Variants in SGCZ observed in about 807,000 individuals in gnomAD.
The protein encoded by SGCZ is sarcoglycan zeta.
In SGCZ, 40 loss-of-function variants were observed where a neutral mutation model predicts 41.3. That is an observed-to-expected ratio of 0.97 (90% CI 0.75 to 1.26). The LOEUF is 1.26. Ranked by LOEUF, SGCZ falls within the 50% of genes most tolerant of loss-of-function variation. The pLI is 0.00. For synonymous variants in SGCZ, 206 were observed against 137.5 expected, an observed-to-expected ratio of 1.50 and a Z score of -3.49; for missense variants, 552 against 369.8, an observed-to-expected ratio of 1.49 and a Z score of -4.04.
intron 4 of SGCZ, among the ~76,000 whole-genome samples, chr8:14,203,886 T>C (rs992115410): frequency 1.3e-5 from 2 of 151,774 alleles, no homozygotes; most frequent in Non-Finnish European, 2.9e-5. Flanking sequence ...AGGAAAGGAA[T>C]TGGGGGAAAG....
chr8:14,393,326 G>A (rs1804851029), intron 2 of SGCZ, among the ~76,000 whole-genome samples: 1 of 150,694 alleles, frequency 6.6e-6, no homozygotes, highest in South Asian at 2.1e-4. Context: ...AGCAGGCTGG[G>A]AGCTTACACA....
chr8:14,416,479 C>A (rs1174975920), intron 2 of SGCZ, among the ~76,000 whole-genome samples: 1 of 151,810 alleles, frequency 6.6e-6, no homozygotes, highest in Non-Finnish European at 1.5e-5. Context: ...ATGAAAGCTG[C>A]CTTCATAGAG....
chr8:14,118,518 T>C (rs1292100103), intron 5 of SGCZ, among the ~76,000 whole-genome samples: 1 of 152,260 alleles, frequency 6.6e-6, no homozygotes, highest in Non-Finnish European at 1.5e-5. Context: ...GGTTGCCTGT[T>C]CACTCTGATG....
At chr8:15,202,794 A>C (rs1800931692) in intron 1 of SGCZ, among the ~76,000 whole-genome samples, 1 of 152,130 alleles carries the variant, frequency 6.6e-6, no homozygotes. Context: ...AGGCAGGCTC[A>C]CAGAGTAAAT....
At chr8:15,229,212 T>C (rs940171719) in intron 1 of SGCZ, among the ~76,000 whole-genome samples, 3 of 152,006 alleles carry the variant, frequency 2.0e-5, no homozygotes, top group African/African-American at 7.2e-5. Context: ...AAAAAATGCA[T>C]AGTTATAAGT....
At chr8:15,222,531 T>G (rs1237458577) in intron 1 of SGCZ, among the ~76,000 whole-genome samples, 1 of 152,238 alleles carries the variant, frequency 6.6e-6, no homozygotes, top group African/African-American at 2.4e-5. Context: ...ACAAATGATT[T>G]AATGTATTAG....
At chr8:15,233,514 A>G (rs1802024450) in intron 1 of SGCZ, among the ~76,000 whole-genome samples, 1 of 151,938 alleles carries the variant, frequency 6.6e-6, no homozygotes, top group South Asian at 2.1e-4. Context: ...CCCATATAAT[A>G]CTTTTTTAAT....
At chr8:15,225,459 G>T (rs144326641) in intron 1 of SGCZ, among the ~76,000 whole-genome samples, 3 of 152,112 alleles carry the variant, frequency 2.0e-5, no homozygotes, top group Admixed American at 2.0e-4. Context: ...GAACTTAGTC[G>T]TTCATTGAAG....
chr8:14,885,009 T>C (rs954982071), intron 1 of SGCZ, among the ~76,000 whole-genome samples: 4 of 152,278 alleles, frequency 2.6e-5, no homozygotes, highest in East Asian at 1.9e-4. Flanking sequence ...CCATGACTTT[T>C]TCCTTGTATT....
chr8:14,121,278 A>G (rs1272098966), intron 5 of SGCZ, among the ~76,000 whole-genome samples: 1 of 151,968 alleles, frequency 6.6e-6, no homozygotes, highest in African/African-American at 2.4e-5. Context: ...TAAATATTAG[A>G]AAAATCAACA....
At chr8:14,474,421 G>C (rs1419749702) in intron 2 of SGCZ, among the ~76,000 whole-genome samples, 2 of 152,168 alleles carry the variant, frequency 1.3e-5, no homozygotes, top group African/African-American at 4.8e-5. Context: ...ATAAACTTGT[G>C]TGTTCACACA....
chr8:14,725,432 A>G (rs1810017701), intron 1 of SGCZ, among the ~76,000 whole-genome samples: 1 of 152,168 alleles, frequency 6.6e-6, no homozygotes, highest in African/African-American at 2.4e-5. Context: ...ACTAATTTAC[A>G]TTCCCACCAA....
At chr8:14,287,521 T>C (rs1387798183) in intron 3 of SGCZ, among the ~76,000 whole-genome samples, 1 of 152,058 alleles carries the variant, frequency 6.6e-6, no homozygotes. Context: ...TCAGCAAACC[T>C]ATTTCAAGAT....
At chr8:14,321,855 C>T (rs10095041) in intron 3 of SGCZ, among the ~76,000 whole-genome samples, 11 of 152,016 alleles carry the variant, frequency 7.2e-5, no homozygotes, top group Admixed American at 7.2e-4. Context: ...ATCATTTCTG[C>T]TTTCATTATT....
At chr8:15,016,138 T>C (rs182960796) in intron 1 of SGCZ, among the ~76,000 whole-genome samples, 2 of 152,280 alleles carry the variant, frequency 1.3e-5, no homozygotes, top group East Asian at 3.9e-4. Context: ...CTCTATTCTT[T>C]TGCAAAATTT....
intron 1 of SGCZ, among the ~76,000 whole-genome samples, chr8:14,834,386 G>T (rs116779742): frequency 0.034 from 5,153 of 152,190 alleles, 311 homozygotes; most frequent in African/African-American, 0.12. Context: ...AAACACTACA[G>T]TATTACCAAA....
intron 1 of SGCZ, among the ~76,000 whole-genome samples, chr8:14,608,301 T>G (rs1585121296): frequency 6.6e-6 from 1 of 152,080 alleles, no homozygotes; most frequent in African/African-American, 2.4e-5. Flanking sequence ...TGTATTTGTT[T>G]GTTTTGAATT....
chr8:14,218,245 C>T lies in SGCZ; in HGVS notation c.424+19347G>A, dbSNP rs188035414. Among the ~76,000 whole-genome samples, 7 of 152,226 alleles carry T rather than the reference C, an allele frequency of 4.6e-5. No homozygotes were observed. The East Asian group carries it at 1.2e-3, about 25-fold the overall frequency. On this transcript the variant is annotated intron_variant, in intron 4 of 7. Transcript: ENST00000382080. Reference sequence around the variant, plus strand: ...AAATTATTAAAATGTATGTGTATTTCTAACACAAAGTCAATATAACACTTT... The same window carrying T: ...AAATTATTAAAATGTATGTGTATTTTTAACACAAAGTCAATATAACACTTT...
At chr8:14,846,666 T>C (rs1393917939) in intron 1 of SGCZ, among the ~76,000 whole-genome samples, 1 of 144,232 alleles carries the variant, frequency 6.9e-6, no homozygotes, top group Non-Finnish European at 1.5e-5. Context: ...CTGTATATAT[T>C]TCAACAAATG....
Sources: gnomAD v4.1 joint callset for allele counts (sites outside exome capture counted in the v4.1 genomes callset) on GRCh38, gnomAD v4.1.1 for gene constraint, MANE v1.5 for transcripts, NCBI Gene and HGNC (gene_info 2026-07-23, HGNC 2026-07-21) for gene names.